LRP1B: variants seen among roughly 807,000 people sequenced by gnomAD.
LRP1B encodes the protein low-density lipoprotein receptor-related protein 1B.
Under a neutral mutation model 556.6 loss-of-function variants are expected in LRP1B, and 217 were observed. The ratio of observed to expected loss-of-function variants is 0.39; its 90% CI spans 0.35 to 0.44. The LOEUF is 0.44. Among genes scored for constraint, LRP1B ranks in the 20% least tolerant of loss-of-function variants. The pLI, the probability that LRP1B is intolerant of heterozygous loss-of-function variation, is 1.00. For missense variants in LRP1B, 5,053 were observed against 5,620.8 expected, an observed-to-expected ratio of 0.90 and a Z score of 3.23; for synonymous variants, 2,047 against 1,865.8, an observed-to-expected ratio of 1.10 and a Z score of -2.50.
At chr2:141,318,568 C>T (rs1687114749) in intron 3 of LRP1B, among the ~76,000 whole-genome samples, 1 of 152,052 alleles carries the variant, frequency 6.6e-6, no homozygotes, top group Non-Finnish European at 1.5e-5. Flanking sequence ...TTCAGACTGG[C>T]TTTCTCACCT....
intron 25 of LRP1B, among the ~76,000 whole-genome samples, chr2:140,876,373 G>A (rs1216431611): frequency 6.6e-6 from 1 of 152,116 alleles, no homozygotes; most frequent in Non-Finnish European, 1.5e-5. Context: ...CTATTTGTGA[G>A]TATTGTTAGC....
intron 6 of LRP1B, among the ~76,000 whole-genome samples, chr2:141,218,663 C>T (rs918468176): frequency 6.6e-6 from 1 of 152,150 alleles, no homozygotes; most frequent in African/African-American, 2.4e-5. Context: ...GAAAAACTAC[C>T]TATTGGATAC....
intron 2 of LRP1B, among the ~76,000 whole-genome samples, chr2:141,677,695 T>C (rs763060507): frequency 6.6e-6 from 1 of 152,098 alleles, no homozygotes; most frequent in African/African-American, 2.4e-5. Flanking sequence ...CTCCATGTTG[T>C]TCAGGCTGGT....
intron 2 of LRP1B, among the ~76,000 whole-genome samples, chr2:141,545,562 C>T (rs1203816801): frequency 6.6e-6 from 1 of 152,100 alleles, no homozygotes. Context: ...AGCAAAGAAG[C>T]AGCCAGGCAT....
chr2:140,745,139 T>C (rs1312269030), intron 35 of LRP1B, among the ~76,000 whole-genome samples: 1 of 152,132 alleles, frequency 6.6e-6, no homozygotes, highest in Non-Finnish European at 1.5e-5. Flanking sequence ...TCTTGAAAAC[T>C]AAGAGATATG....
At chr2:140,676,348 CAT>C (rs1419798432) in intron 41 of LRP1B, among the ~76,000 whole-genome samples, 8 of 152,130 alleles carry the variant, frequency 5.3e-5, no homozygotes, top group Non-Finnish European at 8.8e-5. Flanking sequence ...TTCAAAACCA[CAT>C]GATTTAAAAA....
intron 3 of LRP1B, among the ~76,000 whole-genome samples, chr2:141,445,504 A>C (rs1681155302): frequency 6.6e-6 from 1 of 151,986 alleles, no homozygotes; most frequent in South Asian, 2.1e-4. Context: ...AGTTCTTTTA[A>C]TTGTGATGTA....
intron 83 of LRP1B, among the ~76,000 whole-genome samples, chr2:140,312,778 TCATTATTA>T (rs1184292365): frequency 2.0e-5 from 3 of 152,068 alleles, no homozygotes; most frequent in Admixed American, 1.3e-4. Flanking sequence ...TTTTTAGTGT[TCATTATTA>T]CAAACAGTAA....
At position 140,677,404 on chromosome 2, in the gene LRP1B, T is replaced by C. The variant is rs78913702; in HGVS notation, c.6799+22846A>G. The stretch of plus-strand genomic sequence containing the variant: ...TTGTTTATAGTTTTATTTTTTAGTA[T>C]AGAGGAGAAATGAGAATTTTTGTAG... On this transcript the variant is annotated intron_variant, in intron 41 of 90. Transcript: ENST00000389484. Among the ~76,000 whole-genome samples the C allele has an allele frequency of 1.3e-3, 201 of 152,180 alleles. 3 individuals are homozygous for C. The East Asian group carries it at 0.03, about 23-fold the overall frequency.
chr2:140,384,216 C>T (rs1289753831), intron 67 of LRP1B, among the ~76,000 whole-genome samples: 2 of 152,166 alleles, frequency 1.3e-5, no homozygotes, highest in Non-Finnish European at 2.9e-5. Context: ...CGTTATAAGG[C>T]ATTTGCTCTC....
chr2:140,765,657 C>A (rs573949394), intron 35 of LRP1B, among the ~76,000 whole-genome samples: 70 of 151,814 alleles, frequency 4.6e-4, no homozygotes, highest in Non-Finnish European at 9.1e-4. Flanking sequence ...GGAGAGTATC[C>A]AGAATTGCTT....
chr2:141,967,832 A>G (rs1701604659), intron 1 of LRP1B, among the ~76,000 whole-genome samples: 1 of 151,848 alleles, frequency 6.6e-6, no homozygotes, highest in Non-Finnish European at 1.5e-5. Flanking sequence ...CACACAATTG[A>G]GTTTATATCT....
chr2:141,911,523 A>G (rs559911638), intron 1 of LRP1B, among the ~76,000 whole-genome samples: 3 of 152,290 alleles, frequency 2.0e-5, no homozygotes, highest in African/African-American at 4.8e-5. Flanking sequence ...TTGAAAAAAT[A>G]TATCCCAAAT....
At chr2:141,657,419 A>G (rs1690053686) in intron 2 of LRP1B, among the ~76,000 whole-genome samples, 2 of 152,088 alleles carry the variant, frequency 1.3e-5, no homozygotes, top group Admixed American at 1.3e-4. Context: ...CAAATATCCA[A>G]TTTTCATAAA....
intron 57 of LRP1B, among the ~76,000 whole-genome samples, chr2:140,492,251 A>T (rs540117788): frequency 1.3e-5 from 2 of 152,288 alleles, no homozygotes; most frequent in South Asian, 2.1e-4. Flanking sequence ...TCAATGAGTA[A>T]CAAAATATTT....
intron 2 of LRP1B, among the ~76,000 whole-genome samples, chr2:141,515,044 T>C (rs1684262595): frequency 6.6e-6 from 1 of 152,214 alleles, no homozygotes; most frequent in African/African-American, 2.4e-5. Flanking sequence ...GGCTCACGCC[T>C]GTAATCCCAG....
chr2:140,874,119 TA>T (rs935200090), intron 25 of LRP1B, among the ~76,000 whole-genome samples: 1 of 152,070 alleles, frequency 6.6e-6, no homozygotes, highest in African/African-American at 2.4e-5. Flanking sequence ...AATTTATTTT[TA>T]AAAAAACAAC....
chr2:141,862,868 G>C (rs536591449), intron 1 of LRP1B, among the ~76,000 whole-genome samples: 1 of 152,238 alleles, frequency 6.6e-6, no homozygotes, highest in East Asian at 1.9e-4. Context: ...TAGTCTTCAG[G>C]GCAAAGTTGG....
intron 7 of LRP1B, among the ~76,000 whole-genome samples, chr2:141,153,937 A>G (rs376567408): frequency 6.6e-6 from 1 of 151,604 alleles, no homozygotes; most frequent in Non-Finnish European, 1.5e-5. Flanking sequence ...ATGATTAACT[A>G]TTGTTATTTG....
Sources: allele counts gnomAD v4.1 joint callset (sites outside exome capture counted in the v4.1 genomes callset), GRCh38; gene constraint gnomAD v4.1.1; transcripts MANE v1.5; gene names NCBI Gene and HGNC (gene_info 2026-07-23, HGNC 2026-07-21).